Variants in SERPINA12 observed in about 807,000 individuals in gnomAD.
The protein encoded by SERPINA12 is serpin A12.
SERPINA12 carries 21 observed loss-of-function variants against 25.9 expected under a neutral mutation model. The observed-to-expected ratio is 0.81, with a 90% CI of 0.58 to 1.17. SERPINA12 has a LOEUF of 1.17. Among genes scored for constraint, SERPINA12 ranks in the 50% most tolerant of loss-of-function variants. The pLI is 0.00. For missense variants in SERPINA12, 562 were observed against 508.3 expected (o/e 1.11, Z -1.02); for synonymous variants, 220 against 196.0 (o/e 1.12, Z -1.02).
Position 94,496,624 on chromosome 14 carries a change from A to C in SERPINA12, c.654T>G (p.Phe218Leu), listed in dbSNP as rs139267226. The C allele has an allele frequency of 1.2e-6, 2 of 1,614,032 alleles. No homozygotes were observed. Among genetic ancestry groups the C allele is most frequent in the African/African-American group, 2.7e-5 (2 of 75,032 alleles). Residue 218 changes from phenylalanine (F) to leucine (L), a missense_variant, in exon 3 of 5, where the codon TTT (phenylalanine) becomes TTG (leucine). Physicochemically the swap from Phe to Leu is conservative, Grantham distance 22. Coordinates refer to ENST00000677451, the MANE Select transcript of SERPINA12 (RefSeq NM_001382267.1). Reference protein sequence around the residue: ...IFFRARWKHEFDPNVTKEEDF... With the variant: ...IFFRARWKHELDPNVTKEEDF... The stretch of plus-strand genomic sequence containing the variant: ...CTTCCTCTTTAGTTACATTTGGATC[A>C]AACTCATGTTTCCACCTGGCTTAGA...
intron 2 of SERPINA12, 88 bp from the exon 3 acceptor site, chr14:94,496,731 G>T: frequency 9.0e-7 from 1 of 1,107,324 alleles, no homozygotes; most frequent in Non-Finnish European, 1.3e-6. Flanking sequence ...TCTCCACACA[G>T]ATTCAGGGTG....
At chr14:94,514,812 T>TGCAGCCACTGGTCGGAGTGCAGTTCA (rs1901192489) in intron 2 of SERPINA12, among the ~76,000 whole-genome samples, 5 of 152,288 alleles carry the variant, frequency 3.3e-5, no homozygotes, top group Admixed American at 1.3e-4. Context: ...TCAGGGCTTC[T>TGCAGCCACTGGTCGGAGTGCAGTTCA]GCAGCCACTG....
At chr14:94,505,860 G>A (rs1036272806) in intron 1 of SERPINA12, among the ~76,000 whole-genome samples, 5 of 152,238 alleles carry the variant, frequency 3.3e-5, no homozygotes, top group African/African-American at 1.2e-4. Context: ...TAGGCCATGG[G>A]CAGAGGGTAG....
rs759013852 is a variant in SERPINA12 at position 94,489,611 on chromosome 14, C to T, written c.1053+9G>A. ...TGCAGGGAGTGGAGTCCAGGCTAGG[C>T]AGGCTTACCTCGCCCACTTTCAGGC... On this transcript the variant is annotated intron_variant, in intron 4 of 4. Transcript: ENST00000677451. 6.2e-6 allele frequency: 10 copies of T among 1,613,014 alleles called. No homozygotes were observed. Among genetic ancestry groups the T allele is most frequent in the Non-Finnish European group, 8.5e-6 (10 of 1,179,522 alleles).
At chr14:94,487,715 T>G (rs1446813775) in intron 4 of SERPINA12, among the ~76,000 whole-genome samples, 1 of 151,928 alleles carries the variant, frequency 6.6e-6, no homozygotes, top group African/African-American at 2.4e-5. Context: ...AGGGGGAGCA[T>G]CAGTTACGGG....
chr14:94,496,336 G>C (rs137998717), intron 3 of SERPINA12, 37 bp downstream of exon 3: 1 of 1,611,400 alleles, frequency 6.2e-7, no homozygotes, highest in Non-Finnish European at 8.5e-7. Flanking sequence ...GAAGACAAGA[G>C]AAGGAAAAAG....
intron 3 of SERPINA12, among the ~76,000 whole-genome samples, chr14:94,494,808 G>T (rs1951015): frequency 6.6e-6 from 1 of 152,104 alleles, no homozygotes; most frequent in African/African-American, 2.4e-5. Flanking sequence ...GAGTACTGTG[G>T]TGTTGGCGAT....
At chr14:94,513,995 G>A (rs192081239), upstream of SERPINA12, among the ~76,000 whole-genome samples, 67 of 152,156 alleles carry the variant, frequency 4.4e-4, no homozygotes, top group African/African-American at 1.3e-3. Flanking sequence ...AGCATGGTGC[G>A]GGCCTAGACT....
intron 1 of SERPINA12, among the ~76,000 whole-genome samples, chr14:94,506,718 C>T (rs1029212478): frequency 8.5e-5 from 13 of 152,310 alleles, no homozygotes; most frequent in African/African-American, 3.1e-4. Flanking sequence ...TTTAGAAATA[C>T]CTATTTTCAG....
chr14:94,505,467 G>T (rs530075990), intron 1 of SERPINA12, among the ~76,000 whole-genome samples: 1 of 152,326 alleles, frequency 6.6e-6, no homozygotes, highest in East Asian at 1.9e-4. Context: ...CCATGTGAAC[G>T]GCGAGATGAG....
chr14:94,500,639 C>T (rs1342896789), intron 1 of SERPINA12, among the ~76,000 whole-genome samples: 1 of 152,088 alleles, frequency 6.6e-6, no homozygotes, highest in East Asian at 1.9e-4. Context: ...CCTGGGATGT[C>T]CTGGGCAGGA....
At chr14:94,495,025 T>G (rs1320884104) in intron 3 of SERPINA12, among the ~76,000 whole-genome samples, 2 of 151,730 alleles carry the variant, frequency 1.3e-5, no homozygotes, top group Non-Finnish European at 2.9e-5. Flanking sequence ...CCCAGTACCA[T>G]GACTTAATTG....
intron 1 of SERPINA12, among the ~76,000 whole-genome samples, chr14:94,503,698 G>A (rs1181094273): frequency 6.6e-6 from 1 of 152,242 alleles, no homozygotes. Flanking sequence ...CAATTCTGCA[G>A]AAATGCATTG....
chr14:94,510,327 A>T (rs1276695739), upstream of SERPINA12: 3 of 929,838 alleles, frequency 3.2e-6, no homozygotes, highest in African/African-American at 1.8e-5. Context: ...AGAACAACAG[A>T]GGATATAAAA....
upstream of SERPINA12, among the ~76,000 whole-genome samples, chr14:94,510,564 C>T (rs1901082521): frequency 6.6e-6 from 1 of 152,312 alleles, no homozygotes; most frequent in Admixed American, 6.5e-5. Flanking sequence ...CCTTAAGGAA[C>T]TAAAAGGAGA....
intron 1 of SERPINA12, among the ~76,000 whole-genome samples, chr14:94,501,308 G>A (rs1900711536): frequency 1.3e-5 from 2 of 152,282 alleles, no homozygotes; most frequent in South Asian, 2.1e-4. Flanking sequence ...CAGCAGCGGT[G>A]AAACCAGCAG....
chr14:94,495,170 G>A (rs56031508), intron 3 of SERPINA12, among the ~76,000 whole-genome samples: 3 of 140,842 alleles, frequency 2.1e-5, no homozygotes, highest in East Asian at 4.3e-4. Flanking sequence ...CCGGGTTCAT[G>A]CCATTCTCCT....
At chr14:94,507,916 T>C (rs778868651) in intron 1 of SERPINA12, among the ~76,000 whole-genome samples, 1 of 152,216 alleles carries the variant, frequency 6.6e-6, no homozygotes, top group Non-Finnish European at 1.5e-5. Context: ...CTTTATGTGA[T>C]AGACCTAAAG....
upstream of SERPINA12, among the ~76,000 whole-genome samples, chr14:94,510,445 A>G (rs149420118): frequency 3.4e-3 from 524 of 152,338 alleles, 3 homozygotes; most frequent in African/African-American, 0.012. Flanking sequence ...AGTAAAAAAT[A>G]AAAATAAAAA....
Sources: allele counts gnomAD v4.1 joint callset (sites outside exome capture counted in the v4.1 genomes callset), GRCh38; gene constraint gnomAD v4.1.1; transcripts MANE v1.5; gene names NCBI Gene and HGNC (gene_info 2026-07-23, HGNC 2026-07-21).